The following KCNT1 variants were observed in gnomAD, a reference collection of about 807,000 sequenced individuals.
The protein encoded by KCNT1 is potassium sodium-activated channel subfamily T member 1.
KCNT1 carries 78 observed loss-of-function variants against 147.8 expected under a neutral mutation model. That is an observed-to-expected ratio of 0.53 (90% confidence interval 0.44 to 0.64). The LOEUF (loss-of-function observed/expected upper bound fraction) is 0.64, where lower values mean the gene tolerates loss of function less well. KCNT1 is among the 30% of genes least tolerant of loss of function. KCNT1 has a pLI of 0.00. For missense variants in KCNT1, 1,419 were observed against 1,750.3 expected (o/e 0.81, Z 3.38); for synonymous variants, 867 against 748.8 (o/e 1.16, Z -2.58).
chr9:135,710,521 G>A (rs536007513), intron 1 of KCNT1, among the ~76,000 whole-genome samples: 12 of 152,286 alleles, frequency 7.9e-5, no homozygotes, highest in Non-Finnish European at 1.5e-4. Context: ...AGCTGCACTC[G>A]TTCCAATACC....
intron 28 of KCNT1, chr9:135,785,571 T>G (rs778659177): frequency 3.2e-6 from 2 of 634,810 alleles, no homozygotes; most frequent in Non-Finnish European, 5.6e-6. Context: ...CCTGTGAGTT[T>G]GGACACCAGG....
intron 11 of KCNT1, among the ~76,000 whole-genome samples, chr9:135,763,087 G>T (rs1325092376): frequency 6.6e-6 from 1 of 152,250 alleles, no homozygotes; most frequent in Non-Finnish European, 1.5e-5. Context: ...CGGGGGCAGG[G>T]CCTGGGGGCT....
chr9:135,751,803 CCTCT>C (rs1181686470), intron 4 of KCNT1, among the ~76,000 whole-genome samples: 1 of 152,144 alleles, frequency 6.6e-6, no homozygotes, highest in Non-Finnish European at 1.5e-5. Context: ...CAACCCCAGG[CCTCT>C]CTCTCTGGCT....
chr9:135,787,202 C>G (rs547191290), intron 29 of KCNT1, among the ~76,000 whole-genome samples: 1 of 152,240 alleles, frequency 6.6e-6, no homozygotes, highest in Admixed American at 6.5e-5. Context: ...TCAGGGAGCC[C>G]GGCGTCCGTC....
chr9:135,708,857 A>G (rs1296632530), intron 1 of KCNT1, among the ~76,000 whole-genome samples: 2 of 152,212 alleles, frequency 1.3e-5, no homozygotes, highest in Admixed American at 6.5e-5. Flanking sequence ...AAGCAATGTT[A>G]AGAGAAGTCT....
At chr9:135,741,427 G>T (rs1359509567) in intron 2 of KCNT1, among the ~76,000 whole-genome samples, 1 of 152,246 alleles carries the variant, frequency 6.6e-6, no homozygotes, top group African/African-American at 2.4e-5. Flanking sequence ...CACGGCTGTT[G>T]CCCTGGCTCA....
At chr9:135,787,228 G>A (rs113724266) in intron 29 of KCNT1, among the ~76,000 whole-genome samples, 7 of 152,234 alleles carry the variant, frequency 4.6e-5, no homozygotes, top group South Asian at 2.1e-4. Context: ...CAACAGATCC[G>A]TGCAGCCCCC....
Position 135,784,813 on chromosome 9 carries a change from A to G in KCNT1, c.3080A>G (p.Gln1027Arg). ...ATCCGCACGTACGGCCGCCTCTTCC[A>G]GAAGCTCTGCTCCTCCAGCGCCGAG... ...LWIRTYGRLF[Q>R]KLCSSSAEIP... Residue 1027 changes from glutamine to arginine, a missense_variant, in exon 27 of 31, where the codon CAG becomes CGG. By Grantham distance (43) the Gln-to-Arg change is conservative. Coordinates refer to ENST00000371757, the MANE Select transcript of KCNT1 (RefSeq NM_020822.3). 6.2e-7 allele frequency: 1 copy of G among 1,612,806 alleles called. No homozygotes were observed. The highest frequency in any genetic ancestry group is 8.5e-7 in the Non-Finnish European group (1 of 1,179,970).
chr9:135,772,927 G>A lies in KCNT1; in HGVS notation c.2221G>A (p.Asp741Asn), dbSNP rs375403065. The change falls in exon 19 of 31, where the codon GAC becomes AAC. Residue 741 changes from aspartate (D) to asparagine (N), a missense_variant. Coordinates refer to ENST00000371757, the MANE Select transcript of KCNT1 (RefSeq NM_020822.3). ...QSEDEVTPSD[D>N]EGLSVVEYVK... Reference sequence around the variant, plus strand: ...GGAGGATGAGGTGACGCCGTCGGACGACGAGGGGCTCTCCGTGGTAGAGTG... The same window carrying A: ...GGAGGATGAGGTGACGCCGTCGGACAACGAGGGGCTCTCCGTGGTAGAGTG... The A allele has an allele frequency of 1.5e-5, 23 of 1,519,918 alleles. No individual in the cohort carries two copies. Among genetic ancestry groups the A allele is most frequent in the African/African-American group, 9.7e-5 (7 of 72,464 alleles). 94.2% of individuals were successfully genotyped at this position (1,519,918 alleles called of 1,614,324 possible).
chr9:135,715,416 C>T (rs1199187112), intron 2 of KCNT1, among the ~76,000 whole-genome samples: 2 of 152,166 alleles, frequency 1.3e-5, no homozygotes, highest in Admixed American at 1.3e-4. Context: ...TCTGGGGAGG[C>T]GCTTTTTTGC....
chr9:135,747,340 T>C (rs1830885267), intron 2 of KCNT1, among the ~76,000 whole-genome samples: 1 of 151,160 alleles, frequency 6.6e-6, no homozygotes, highest in Non-Finnish European at 1.5e-5. Context: ...GGGACAGTGG[T>C]AGGGAGGCGG....
At chr9:135,729,258 G>A (rs1836335727) in intron 2 of KCNT1, among the ~76,000 whole-genome samples, 1 of 152,226 alleles carries the variant, frequency 6.6e-6, no homozygotes, top group Non-Finnish European at 1.5e-5. Flanking sequence ...GTGACTGGAG[G>A]CAGCAGGGAA....
At chr9:135,709,743 C>T (rs1373106524) in intron 1 of KCNT1, among the ~76,000 whole-genome samples, 2 of 152,014 alleles carry the variant, frequency 1.3e-5, no homozygotes, top group Non-Finnish European at 2.9e-5. Flanking sequence ...TGCAGTGGTG[C>T]GATCTCAGCT....
chr9:135,732,042 G>GAGGGAGAGA (rs1554766213), intron 2 of KCNT1, among the ~76,000 whole-genome samples: 1 of 52,684 alleles, frequency 1.9e-5, no homozygotes, highest in Non-Finnish European at 3.8e-5. Context: ...AGAGAGAGAG[G>GAGGGAGAGA]GAGTCTCACT....
chr9:135,779,146 GCCATGA>G (rs1430512691), intron 23 of KCNT1, among the ~76,000 whole-genome samples: 1 of 129,406 alleles, frequency 7.7e-6, no homozygotes, highest in Non-Finnish European at 1.6e-5. Flanking sequence ...GAGTCCCACA[GCCATGA>G]CCATGGGCCT....
At chr9:135,787,899 C>T (rs1470335946) in intron 29 of KCNT1, among the ~76,000 whole-genome samples, 2 of 152,312 alleles carry the variant, frequency 1.3e-5, no homozygotes, top group East Asian at 3.9e-4. Context: ...AGAGCTGGTG[C>T]CTGCCTCTGC....
At chr9:135,788,783 A>G (rs919399762) in intron 29 of KCNT1, among the ~76,000 whole-genome samples, 3 of 151,804 alleles carry the variant, frequency 2.0e-5, no homozygotes, top group Non-Finnish European at 2.9e-5. Flanking sequence ...GCCGCTCCAC[A>G]CCCCGTTTCC....
chr9:135,771,286 C>A, intron 18 of KCNT1, 191 bp downstream of exon 18: 1 of 618,566 alleles, frequency 1.6e-6, no homozygotes, highest in Non-Finnish European at 2.8e-6. Context: ...GGGCGGGAGA[C>A]CAGGTGGGAC....
Position 135,758,136 on chromosome 9 carries a change from C to T in KCNT1, c.760-278C>T, listed in dbSNP as rs1054792144. Among the ~76,000 whole-genome samples the T allele has an allele frequency of 5.4e-5, 7 of 130,484 alleles. No individual in the cohort carries two copies. In the East Asian group the frequency reaches 7.5e-4, roughly 14 times the overall value. 85.6% of individuals were successfully genotyped at this position (130,484 alleles called of 152,430 possible). On this transcript the variant is annotated intron_variant, in intron 9 of 30. Coordinates refer to ENST00000371757, the MANE Select transcript of KCNT1 (RefSeq NM_020822.3). ...GCCTCAGCCGAGACACAGGTGTGGC[C>T]GTGGGCTGCCCCGTGGGCCTCAGCC...
Sources: allele counts gnomAD v4.1 joint callset (sites outside exome capture counted in the v4.1 genomes callset), GRCh38; gene constraint gnomAD v4.1.1; transcripts MANE v1.5; gene names NCBI Gene and HGNC (gene_info 2026-07-23, HGNC 2026-07-21).